The following SRPK1 variants were observed in gnomAD, a reference collection of about 807,000 sequenced individuals.
The protein encoded by SRPK1 is SRSF protein kinase 1, also known as SFRS protein kinase 1.
In SRPK1, 52 loss-of-function variants were observed where a neutral mutation model predicts 89.5. That is an observed-to-expected ratio of 0.58 (90% confidence interval 0.46 to 0.73). The LOEUF is 0.73. Ranked by LOEUF, SRPK1 falls within the 30% of genes least tolerant of loss-of-function variation. The pLI is 0.00. For missense variants in SRPK1, 603 were observed against 780.6 expected (o/e 0.77, Z 2.71); for synonymous variants, 255 against 270.2 (o/e 0.94, Z 0.55).
At chr6:35,848,461 A>G (rs1056242811) in intron 13 of SRPK1, among the ~76,000 whole-genome samples, 1 of 152,136 alleles carries the variant, frequency 6.6e-6, no homozygotes, top group Non-Finnish European at 1.5e-5. Flanking sequence ...GGAGGCTGAG[A>G]TGGGAGGATC....
At chr6:35,884,399 T>C (rs1770360947) in intron 6 of SRPK1, among the ~76,000 whole-genome samples, 1 of 152,146 alleles carries the variant, frequency 6.6e-6, no homozygotes, top group Non-Finnish European at 1.5e-5. Flanking sequence ...GAAACGATAG[T>C]GGTCCAGAGA....
rs982268832 is a variant in SRPK1 at position 35,919,374 on chromosome 6, AC to A, written c.74+1093del. 3.3e-5 allele frequency among the ~76,000 whole-genome samples: 5 copies of A among 151,798 alleles called. No homozygotes were observed. The East Asian group carries it at 5.8e-4, about 18-fold the overall frequency. On this transcript the variant is annotated intron_variant, in intron 2 of 15. Coordinates refer to ENST00000373825, the MANE Select transcript of SRPK1 (RefSeq NM_003137.5). The stretch of plus-strand genomic sequence containing the variant: ...CTCCAAAAACAACACACACCCCTAC[AC>A]CCCCCTAATCTGGTATTGTCATTCA...
intron 13 of SRPK1, among the ~76,000 whole-genome samples, chr6:35,856,467 T>C (rs545831634): frequency 6.6e-6 from 1 of 152,238 alleles, no homozygotes; most frequent in South Asian, 2.1e-4. Flanking sequence ...GTGTCTGAAG[T>C]GAGGGCAATC....
At chr6:35,847,974 T>C (rs1232715715) in intron 13 of SRPK1, among the ~76,000 whole-genome samples, 1 of 151,934 alleles carries the variant, frequency 6.6e-6, no homozygotes, top group Non-Finnish European at 1.5e-5. Flanking sequence ...ACCACCACAC[T>C]TGGCTAATTT....
In SRPK1 at chr6:35,919,059, C is replaced by T. The variant is rs139375113; in HGVS notation, c.74+1409G>A. On this transcript the variant is annotated intron_variant, in intron 2 of 15. Coordinates refer to ENST00000373825, the MANE Select transcript of SRPK1 (RefSeq NM_003137.5). ...CCACAAAGAATAACTAAACTAGGCA[C>T]AGAAAAGTAACATTTCAAGTCCTAC... Among the ~76,000 whole-genome samples the T allele has an allele frequency of 2.0e-3, 303 of 152,284 alleles. 2 individuals carry two copies. The highest frequency in any genetic ancestry group is 6.9e-3 in the African/African-American group (285 of 41,554).
At position 35,920,195 on chromosome 6, in the gene SRPK1, T is replaced by C. The variant is rs751820094; in HGVS notation, c.74+273A>G. 5 of 568,680 alleles carry C rather than the reference T, an allele frequency of 8.8e-6. No individual in the cohort carries two copies. The East Asian group carries it at 1.6e-4, about 18-fold the overall frequency. 35.2% of individuals were successfully genotyped at this position (568,680 alleles called of 1,614,324 possible). A position where few individuals can be genotyped will look rare whatever the true frequency, so the allele number is the denominator to read the frequency against. ...GCTAGGGGAGTTTGTGCCTCCTCTG[T>C]GGAGTTGGGGAGGAAAGGTACCGGG... On this transcript the variant is annotated intron_variant, in intron 2 of 15. Transcript: ENST00000373825.
chr6:35,921,068 T>G lies in SRPK1; in HGVS notation c.-12A>C, dbSNP rs777559144. The G allele has an allele frequency of 2.6e-6, 4 of 1,526,780 alleles. No homozygotes were observed. The East Asian group carries it at 8.1e-5, about 31-fold the overall frequency. 94.6% of individuals were successfully genotyped at this position (1,526,780 alleles called of 1,614,324 possible). Reference sequence around the variant, plus strand: ...CCTTTCCGCTCCATGGTGAGACCGGTAATCGCCAGGCGCCTGCGCACTCGA... The same window carrying G: ...CCTTTCCGCTCCATGGTGAGACCGGGAATCGCCAGGCGCCTGCGCACTCGA... On this transcript the variant is annotated 5_prime_UTR_variant, in exon 1 of 16. Transcript: ENST00000373825.
At chr6:35,860,890 G>A (rs1337189253) in intron 12 of SRPK1, among the ~76,000 whole-genome samples, 1 of 152,038 alleles carries the variant, frequency 6.6e-6, no homozygotes, top group Non-Finnish European at 1.5e-5. Context: ...AGTGACATCT[G>A]GGTAAGAACT....
intron 2 of SRPK1, among the ~76,000 whole-genome samples, chr6:35,892,692 CA>C (rs369141435): frequency 0.24 from 34,345 of 140,218 alleles, 4,210 homozygotes; most frequent in South Asian, 0.34. Flanking sequence ...ACAACAACGA[CA>C]ACAACACAAA....
chr6:35,856,957 T>C (rs12662979), intron 13 of SRPK1: 8,869 of 259,370 alleles, frequency 0.034, 185 homozygotes, highest in Middle Eastern at 0.058. Flanking sequence ...GCAAAGATAC[T>C]TGTAATCTCC....
At chr6:35,866,992 C>T (rs1228907902) in intron 12 of SRPK1, among the ~76,000 whole-genome samples, 3 of 152,088 alleles carry the variant, frequency 2.0e-5, no homozygotes, top group Non-Finnish European at 1.5e-5. Flanking sequence ...GTGGAATGAT[C>T]GACAATGAAG....
intron 13 of SRPK1, among the ~76,000 whole-genome samples, chr6:35,847,660 G>A (rs1561968383): frequency 6.6e-6 from 1 of 151,410 alleles, no homozygotes; most frequent in African/African-American, 2.4e-5. Context: ...AATAAACCAA[G>A]AGAACAATCC....
intron 2 of SRPK1, among the ~76,000 whole-genome samples, chr6:35,896,846 A>G (rs917123558): frequency 1.3e-5 from 2 of 152,250 alleles, no homozygotes; most frequent in East Asian, 1.9e-4. Context: ...CCAACTGCTG[A>G]GCGGATAAAC....
At chr6:35,838,622 G>C in intron 14 of SRPK1, 193 bp from the exon 15 acceptor site, 1 of 1,548,068 alleles carries the variant, frequency 6.5e-7, no homozygotes, top group Non-Finnish European at 8.7e-7. Flanking sequence ...TCAAATTTTT[G>C]TGGATTCAGT....
At chr6:35,858,326 G>A (rs1391052723) in intron 12 of SRPK1, among the ~76,000 whole-genome samples, 2 of 151,480 alleles carry the variant, frequency 1.3e-5, no homozygotes, top group Non-Finnish European at 2.9e-5. Flanking sequence ...TTTTAACTGT[G>A]ACACTTTGTC....
intron 12 of SRPK1, among the ~76,000 whole-genome samples, chr6:35,859,565 T>C (rs1429248467): frequency 6.6e-6 from 1 of 152,232 alleles, no homozygotes; most frequent in Non-Finnish European, 1.5e-5. Flanking sequence ...CCCTTGAATA[T>C]TGTTTTCGAT....
At chr6:35,904,344 G>A (rs1373789468) in intron 2 of SRPK1, among the ~76,000 whole-genome samples, 2 of 151,998 alleles carry the variant, frequency 1.3e-5, no homozygotes, top group Middle Eastern at 3.4e-3. Flanking sequence ...GGAACCATGG[G>A]GCTCTTCCAC....
rs142828044 is a variant in SRPK1, at chr6:35,855,911, G to A, written c.1620+1350C>T. 6.4e-3 allele frequency among the ~76,000 whole-genome samples: 976 copies of A among 152,248 alleles called. 14 individuals carry two copies. The highest frequency in any genetic ancestry group is 0.022 in the African/African-American group (904 of 41,552). ...CACCACGTCTGGCTAATTTTTAGTA[G>A]AGACAGGGTTTCATCATGTTGGTCA... On this transcript the variant is annotated intron_variant, in intron 13 of 15. Transcript: ENST00000373825.
chr6:35,855,635 T>C (rs1007998462), intron 13 of SRPK1, among the ~76,000 whole-genome samples: 1 of 152,188 alleles, frequency 6.6e-6, no homozygotes. Flanking sequence ...TGGTAGGAAG[T>C]CTCTAAACCC....
Sources: allele counts gnomAD v4.1 joint callset (sites outside exome capture counted in the v4.1 genomes callset), GRCh38; gene constraint gnomAD v4.1.1; transcripts MANE v1.5; gene names NCBI Gene and HGNC (gene_info 2026-07-23, HGNC 2026-07-21).